The following SPC25 variants were observed in gnomAD, a reference collection of about 807,000 sequenced individuals.
SPC25 encodes the protein SPC25 component of NDC80 kinetochore complex, also known as kinetochore protein Spc25.
SPC25 carries 22 observed loss-of-function variants against 29.6 expected under a neutral mutation model. The observed-to-expected ratio is 0.74, with a 90% CI of 0.53 to 1.06. SPC25 has a LOEUF of 1.06. Among genes scored for constraint, SPC25 ranks in the 50% least tolerant of loss-of-function variants. SPC25 has a pLI of 0.00. For missense variants in SPC25, 230 were observed against 255.8 expected (o/e 0.90, Z 0.69); for synonymous variants, 91 against 90.4 (o/e 1.01, Z -0.04).
intron 3 of SPC25, chr2:168,884,899 G>C (rs1690236560): frequency 6.6e-6 from 1 of 152,148 alleles, no homozygotes; most frequent in South Asian, 2.1e-4. Flanking sequence ...AAGGCATTTA[G>C]CACAGTACCT....
intron 6 of SPC25, among the ~76,000 whole-genome samples, chr2:168,873,242 A>G (rs762779042): frequency 1.3e-4 from 20 of 152,202 alleles, no homozygotes; most frequent in Admixed American, 3.9e-4. Context: ...TAATATTCAC[A>G]TTTAAGCAGC....
intron 6 of SPC25, among the ~76,000 whole-genome samples, chr2:168,872,496 G>A (rs1690013323): frequency 6.6e-6 from 1 of 152,144 alleles, no homozygotes; most frequent in African/African-American, 2.4e-5. Context: ...AGTGAAGGTG[G>A]TCAAAGGAAA....
At chr2:168,883,776 CTT>C (rs34748645) in intron 3 of SPC25, among the ~76,000 whole-genome samples, 9 of 141,526 alleles carry the variant, frequency 6.4e-5, no homozygotes, top group African/African-American at 1.0e-4. Flanking sequence ...ATTTTTTTTT[CTT>C]TTTTTTTTTT....
downstream of SPC25, among the ~76,000 whole-genome samples, chr2:168,865,904 C>A (rs963277346): frequency 1.3e-5 from 2 of 152,250 alleles, no homozygotes; most frequent in Non-Finnish European, 2.9e-5. Flanking sequence ...ACCTAGGAAT[C>A]CAACTTACAA....
chr2:168,877,203 AT>A, intron 4 of SPC25, 34 bp downstream of exon 4: 1 of 1,604,800 alleles, frequency 6.2e-7, no homozygotes, highest in Non-Finnish European at 8.5e-7. Context: ...ACCACTTTCC[AT>A]TTTAGATCAG....
At chr2:168,872,330 G>C (rs1690010125) in intron 6 of SPC25, among the ~76,000 whole-genome samples, 1 of 152,166 alleles carries the variant, frequency 6.6e-6, no homozygotes, top group South Asian at 2.1e-4. Flanking sequence ...GAAATATCTA[G>C]AATTTTCCAA....
At chr2:168,869,158 C>A (rs924874231), downstream of SPC25, among the ~76,000 whole-genome samples, 12 of 152,216 alleles carry the variant, frequency 7.9e-5, no homozygotes, top group African/African-American at 2.2e-4. Context: ...ATTCAACAAC[C>A]CTTCATGCTA....
chr2:168,878,052 C>T (rs1690118591), intron 3 of SPC25, among the ~76,000 whole-genome samples: 1 of 152,090 alleles, frequency 6.6e-6, no homozygotes, highest in Non-Finnish European at 1.5e-5. Flanking sequence ...AAAAGCCTCA[C>T]TCTAATGCTA....
At chr2:168,865,794 G>GCAAA (rs1319123320) in intron 4 of SPC25, among the ~76,000 whole-genome samples, 1 of 151,998 alleles carries the variant, frequency 6.6e-6, no homozygotes, top group African/African-American at 2.4e-5. Flanking sequence ...AAATCAATGT[G>GCAAA]CAAACATCAC....
At chr2:168,880,755 T>G (rs1014805193) in intron 3 of SPC25, among the ~76,000 whole-genome samples, 2 of 152,200 alleles carry the variant, frequency 1.3e-5, no homozygotes, top group Non-Finnish European at 2.9e-5. Flanking sequence ...TTAATTGGCC[T>G]AATTTCAATA....
intron 3 of SPC25, 35 bp from the exon 4 acceptor site, chr2:168,877,419 T>C: frequency 4.3e-6 from 7 of 1,611,664 alleles, no homozygotes; most frequent in Non-Finnish European, 5.9e-6. Flanking sequence ...TAGAATATGC[T>C]TGGCTCTCTG....
intron 3 of SPC25, among the ~76,000 whole-genome samples, chr2:168,886,333 T>C (rs1239448954): frequency 1.3e-5 from 2 of 150,320 alleles, no homozygotes; most frequent in Non-Finnish European, 3.0e-5. Flanking sequence ...TGGGATTACT[T>C]TGGCTTGAGC....
At chr2:168,869,686 A>C (rs1198359987), downstream of SPC25, among the ~76,000 whole-genome samples, 2 of 152,216 alleles carry the variant, frequency 1.3e-5, no homozygotes, top group Non-Finnish European at 2.9e-5. Flanking sequence ...AACTACAACC[A>C]CTGCTCAGTG....
At chr2:168,876,266 T>A in intron 4 of SPC25, 90 bp from the exon 5 acceptor site, 1 of 898,446 alleles carries the variant, frequency 1.1e-6, no homozygotes. Context: ...AAATCAACTA[T>A]AAAATGATGC....
intron 4 of SPC25, among the ~76,000 whole-genome samples, chr2:168,863,934 A>AGAGTCTTGCTCTG (rs1553537001): frequency 6.6e-6 from 1 of 151,618 alleles, no homozygotes; most frequent in Non-Finnish European, 1.5e-5. Context: ...TTTTTGAGGC[A>AGAGTCTTGCTCTG]GAGTCTTGCT....
intron 3 of SPC25, among the ~76,000 whole-genome samples, chr2:168,879,933 C>A (rs1334239636): frequency 6.6e-6 from 1 of 152,116 alleles, no homozygotes; most frequent in African/African-American, 2.4e-5. Context: ...ATCTTTTTTC[C>A]TGAGTAGAAG....
chr2:168,878,107 G>A (rs1690119723), intron 3 of SPC25, among the ~76,000 whole-genome samples: 1 of 152,140 alleles, frequency 6.6e-6, no homozygotes, highest in Admixed American at 6.5e-5. Context: ...ATAAGTGAAG[G>A]AAGACAGGTG....
At chr2:168,890,211 G>T in intron 1 of SPC25, 107 bp downstream of exon 1, 1 of 535,410 alleles carries the variant, frequency 1.9e-6, no homozygotes, top group Non-Finnish European at 2.4e-6. Context: ...AACAAGATGC[G>T]CATTTCACAA....
chr2:168,871,811 G>A (rs569326278), intron 6 of SPC25, among the ~76,000 whole-genome samples: 4 of 152,090 alleles, frequency 2.6e-5, no homozygotes, highest in South Asian at 2.1e-4. Flanking sequence ...CTGAAGGATC[G>A]AAGAGTTTAG....
Sources: gnomAD v4.1 joint callset for allele counts (sites outside exome capture counted in the v4.1 genomes callset) on GRCh38, gnomAD v4.1.1 for gene constraint, MANE v1.5 for transcripts, NCBI Gene and HGNC (gene_info 2026-07-23, HGNC 2026-07-21) for gene names.